Variants in KCNQ1 observed in about 807,000 individuals in gnomAD.
KCNQ1 encodes potassium voltage-gated channel subfamily KQT member 1.
Under a neutral mutation model 72.4 loss-of-function variants are expected in KCNQ1, and 49 were observed. That is an observed-to-expected ratio of 0.68 (90% CI 0.54 to 0.86). The LOEUF (loss-of-function observed/expected upper bound fraction) is 0.86. Among genes scored for constraint, KCNQ1 ranks in the 40% least tolerant of loss-of-function variants. The pLI, the probability that KCNQ1 is intolerant of heterozygous loss-of-function variation, is 0.00. For synonymous variants in KCNQ1, 450 were observed against 412.6 expected (o/e 1.09, Z -1.10); for missense variants, 790 against 945.1 (o/e 0.84, Z 2.15).
At position 2,673,891 on chromosome 11, in the gene KCNQ1, G is replaced by C. The variant is rs1850235332; in HGVS notation, c.1514+11810G>C. 2 of 398,098 alleles carry C rather than the reference G, an allele frequency of 5.0e-6. No individual in the cohort carries two copies. The highest frequency in any genetic ancestry group is 2.1e-5 in the African/African-American group (1 of 48,502). The allele number at this position is 398,098 out of a possible 1,614,324, so 24.7% of individuals were successfully genotyped here. A position where few individuals can be genotyped will look rare whatever the true frequency, so the allele number is the denominator to read the frequency against. On this transcript the variant is annotated intron_variant, in intron 11 of 15. Coordinates refer to ENST00000155840, the MANE Select transcript of KCNQ1 (RefSeq NM_000218.3). The surrounding 1 kb of genome is among the most constrained non-coding windows in gnomAD (Gnocchi z 4.5). The stretch of plus-strand genomic sequence containing the variant: ...CTTCCTGAAAGCAGGCACAGGAAGG[G>C]ATGGGAGCTCAGCTCACCGGGTGCT...
intron 10 of KCNQ1, among the ~76,000 whole-genome samples, chr11:2,605,677 A>C (rs1429488902): frequency 6.6e-6 from 1 of 152,204 alleles, no homozygotes; most frequent in Non-Finnish European, 1.5e-5. Flanking sequence ...CATTTTCTCG[A>C]ATACTGTTAC....
At chr11:2,807,255 G>A (rs945034311) in intron 15 of KCNQ1, among the ~76,000 whole-genome samples, 2 of 152,236 alleles carry the variant, frequency 1.3e-5, no homozygotes, top group Admixed American at 6.5e-5. Context: ...AACGTGGCCG[G>A]CTCTGAAAGG....
chr11:2,646,376 C>T, intron 10 of KCNQ1: 1 of 398,586 alleles, frequency 2.5e-6, no homozygotes, highest in Non-Finnish European at 4.4e-6. Context: ...TCTTCAATTA[C>T]TGTTATCAGT....
In KCNQ1 at chr11:2,816,417, G is replaced by C. The variant is rs1422220513; in HGVS notation, c.1795-31350G>C. On this transcript the variant is annotated intron_variant, in intron 15 of 15. Coordinates refer to ENST00000155840, the MANE Select transcript of KCNQ1 (RefSeq NM_000218.3). This position sits in a 1 kb window ranked among gnomAD's most constrained non-coding sequence, Gnocchi z 6.8. Reference sequence around the variant, plus strand: ...GAAAGTGAGACCACACTCACCCTGTGGTCCAGTGATCTCCTTCTGAGAATC... The same window carrying C: ...GAAAGTGAGACCACACTCACCCTGTCGTCCAGTGATCTCCTTCTGAGAATC... Among the ~76,000 whole-genome samples the C allele has an allele frequency of 1.3e-5, 2 of 152,186 alleles. No homozygotes were observed. The highest frequency in any genetic ancestry group is 4.8e-5 in the African/African-American group (2 of 41,444).
At position 2,767,373 on chromosome 11, in the gene KCNQ1, T is replaced by C. The variant is rs1315165854; in HGVS notation, c.1515-1471T>C. On this transcript the variant is annotated intron_variant, in intron 11 of 15. Coordinates refer to ENST00000155840, the MANE Select transcript of KCNQ1 (RefSeq NM_000218.3). The surrounding 1 kb of genome is among the most constrained non-coding windows in gnomAD (Gnocchi z 4.6). ...ACCGTGTACATTCCCCAGTACTCTT[T>C]CATCAGTGAAGTCACAAGGTGACCC... is the stretch of plus-strand genomic sequence containing the variant. 2.0e-5 allele frequency among the ~76,000 whole-genome samples: 3 copies of C among 152,162 alleles called. No homozygotes were observed. In the East Asian group the frequency reaches 5.8e-4, roughly 29 times the overall value.
chr11:2,769,072 A>G lies in KCNQ1; in HGVS notation c.1590+153A>G, dbSNP rs993103263. ...CAGGCAGGCCTATCTGAGACCTGAC[A>G]GTGCCTACCCCACCGAACCCCAGAC... On this transcript the variant is annotated intron_variant, in intron 12 of 15. Coordinates refer to ENST00000155840, the MANE Select transcript of KCNQ1 (RefSeq NM_000218.3). This position sits in a 1 kb window ranked among gnomAD's most constrained non-coding sequence, Gnocchi z 4.6. Among the ~76,000 whole-genome samples, 6 of 152,050 alleles carry G rather than the reference A, an allele frequency of 3.9e-5. No individual in the cohort carries two copies. Among genetic ancestry groups the G allele is most frequent in the African/African-American group, 1.4e-4 (6 of 41,394 alleles).
intron 10 of KCNQ1, chr11:2,635,257 A>C (rs1003447220): frequency 3.9e-5 from 6 of 152,180 alleles, no homozygotes; most frequent in African/African-American, 1.4e-4. Flanking sequence ...GTCCTTGCCC[A>C]TGCCTATGTC....
chr11:2,633,781 G>C, intron 10 of KCNQ1: 1 of 398,456 alleles, frequency 2.5e-6, no homozygotes, highest in Non-Finnish European at 4.4e-6. Context: ...GTATACAAGG[G>C]GGATTGCTTC....
intron 11 of KCNQ1, chr11:2,696,026 C>T (rs1054971308): frequency 2.5e-5 from 10 of 398,424 alleles, no homozygotes; most frequent in African/African-American, 4.1e-5. Context: ...AAGTGAAAAA[C>T]GCAAATTGTT....
At chr11:2,779,466 C>T (rs1334647466) in intron 15 of KCNQ1, among the ~76,000 whole-genome samples, 2 of 152,246 alleles carry the variant, frequency 1.3e-5, no homozygotes, top group Non-Finnish European at 1.5e-5. Context: ...GCTTCCATCT[C>T]GGCTGCAGCC....
chr11:2,701,502 C>T (rs1850814769), intron 11 of KCNQ1, among the ~76,000 whole-genome samples: 1 of 152,228 alleles, frequency 6.6e-6, no homozygotes, highest in Non-Finnish European at 1.5e-5. Context: ...GCTGTGCAAC[C>T]AGTGCCATCA....
At chr11:2,632,200 A>AG (rs1325918089) in intron 10 of KCNQ1, 21 of 397,830 alleles carry the variant, frequency 5.3e-5, no homozygotes, top group East Asian at 3.6e-4. Context: ...AAAAAAAAAA[A>AG]AAAGAAATGC....
At chr11:2,490,991 C>T (rs2133626538) in intron 1 of KCNQ1, among the ~76,000 whole-genome samples, 1 of 152,274 alleles carries the variant, frequency 6.6e-6, no homozygotes, top group South Asian at 2.1e-4. Context: ...CAGGCGTGAG[C>T]CACTGCGCCT....
In KCNQ1 at chr11:2,642,820, G is replaced by A. The variant is rs1300884595; in HGVS notation, c.1394-19141G>A. ...TTTATTACAATAAACTTTCCTCTTA[G>A]CATTGCTTTTGCAGTATCCCTTAAG... On this transcript the variant is annotated intron_variant, in intron 10 of 15. Transcript: ENST00000155840. The surrounding 1 kb of genome is among the most constrained non-coding windows in gnomAD (Gnocchi z 4.3). The A allele has an allele frequency of 2.5e-6, 1 of 397,546 alleles. No homozygotes were observed. Among genetic ancestry groups the A allele is most frequent in the African/African-American group, 2.1e-5 (1 of 48,602 alleles). The allele number at this position is 397,546 out of a possible 1,614,324, so 24.6% of individuals were successfully genotyped here.
chr11:2,827,498 G>A lies in KCNQ1; in HGVS notation c.1795-20269G>A, dbSNP rs930689181. 5.9e-5 allele frequency among the ~76,000 whole-genome samples: 9 copies of A among 151,980 alleles called. No individual in the cohort carries two copies. The highest frequency in any genetic ancestry group is 1.4e-4 in the African/African-American group (6 of 41,384). On this transcript the variant is annotated intron_variant, in intron 15 of 15. Transcript: ENST00000155840. This position sits in a 1 kb window ranked among gnomAD's most constrained non-coding sequence, Gnocchi z 6.7. The stretch of plus-strand genomic sequence containing the variant: ...AAAACCCTACACAGAAGCGGCCCAC[G>A]TCATCCCCCTTTCTGTCCACCCGCC...
Position 2,564,594 on chromosome 11 carries a change from CAAAAT to C in KCNQ1, c.478-6023_478-6019del, listed in dbSNP as rs1433067955. Reference sequence around the variant, plus strand: ...TGGGCAACAGAGCAAGACTCTATCTCAAAATAAAATAAAATGGAAATATGTTTTAC... The same window carrying C: ...TGGGCAACAGAGCAAGACTCTATCTCAAAATAAAATGGAAATATGTTTTAC... On this transcript the variant is annotated intron_variant, in intron 2 of 15. Transcript: ENST00000155840. The surrounding 1 kb of genome is among the most constrained non-coding windows in gnomAD (Gnocchi z 4.5). 1.3e-5 allele frequency among the ~76,000 whole-genome samples: 2 copies of C among 152,208 alleles called. No homozygotes were observed. The highest frequency in any genetic ancestry group is 2.9e-5 in the Non-Finnish European group (2 of 68,050).
At position 2,618,189 on chromosome 11, in the gene KCNQ1, T is replaced by G. The variant is rs188556546; in HGVS notation, c.1393+29335T>G. On this transcript the variant is annotated intron_variant, in intron 10 of 15. Transcript: ENST00000155840. ...AGGTCTTTTATCCATTTTGAGTTTA[T>G]TTCTATGTATGGTGTAAGGCAGCGA... 146 of 398,536 alleles carry G rather than the reference T, an allele frequency of 3.7e-4. 1 individual carries two copies. Among genetic ancestry groups the G allele is most frequent in the African/African-American group, 2.9e-3 (139 of 48,742 alleles). The allele number at this position is 398,536 out of a possible 1,614,324, so 24.7% of individuals were successfully genotyped here.
In KCNQ1 at chr11:2,583,468, G is replaced by T. The variant is rs1310931869; in HGVS notation, c.955G>T (p.Val319Leu). The change falls in exon 7 of 16, where the codon GTG (valine) becomes TTG (leucine). Residue 319 changes from valine (V) to leucine (L), a missense_variant. Physicochemically the swap from Val to Leu is conservative, Grantham distance 32. This residue lies in a region of KCNQ1 where 133 missense variants were observed against 219.5 expected (regional missense o/e 0.61). Transcript: ENST00000155840. The part of the protein sequence containing the change: ...TVTTIGYGDK[V>L]PQTWVGKTIA... ...CACCACCATCGGCTATGGGGACAAGGTGCCCCAGACGTGGGTCGGGAAGAC... is the reference window on the plus strand; with the variant it reads ...CACCACCATCGGCTATGGGGACAAGTTGCCCCAGACGTGGGTCGGGAAGAC... 6.2e-7 allele frequency: 1 copy of T among 1,613,886 alleles called. No homozygotes were observed. Among genetic ancestry groups the T allele is most frequent in the Non-Finnish European group, 8.5e-7 (1 of 1,179,850 alleles).
Position 2,703,751 on chromosome 11 carries a change from GAT to G in KCNQ1, c.1514+41671_1514+41672del, listed in dbSNP as rs1850860247. Among the ~76,000 whole-genome samples, 1 of 152,190 alleles carries G rather than the reference GAT, an allele frequency of 6.6e-6. No homozygotes were observed. The highest frequency in any genetic ancestry group is 2.1e-4 in the South Asian group (1 of 4,828). ...TGGGAGCCCCTCACCCAAGCAGCAG[GAT>G]GTGTGGCAGGCCCTGGCCAAGGAGT... On this transcript the variant is annotated intron_variant, in intron 11 of 15. Coordinates refer to ENST00000155840, the MANE Select transcript of KCNQ1 (RefSeq NM_000218.3). The surrounding 1 kb of genome is among the most constrained non-coding windows in gnomAD (Gnocchi z 6.4).
Sources: allele counts gnomAD v4.1 joint callset (sites outside exome capture counted in the v4.1 genomes callset), GRCh38; gene constraint gnomAD v4.1.1; regional missense constraint gnomAD v4.1.1; non-coding constraint Gnocchi (gnomAD v3.1); transcripts MANE v1.5; gene names NCBI Gene and HGNC (gene_info 2026-07-23, HGNC 2026-07-21).